The following DDX10 variants were observed in gnomAD, a reference collection of about 807,000 sequenced individuals.
DDX10 encodes DEAD-box helicase 10.
In DDX10, 74 loss-of-function variants were observed where a neutral mutation model predicts 104.3. That is an observed-to-expected ratio of 0.71 (90% CI 0.59 to 0.86). The LOEUF (loss-of-function observed/expected upper bound fraction) is 0.86. Ranked by LOEUF, DDX10 falls within the 40% of genes least tolerant of loss-of-function variation. The probability of loss-of-function intolerance (pLI) is 0.00; values close to 1 mark genes in which losing one functional copy is unlikely to be tolerated. For missense variants in DDX10, 952 were observed against 1,040.0 expected, an observed-to-expected ratio of 0.92 and a Z score of 1.16; for synonymous variants, 351 against 353.4, an observed-to-expected ratio of 0.99 and a Z score of 0.08.
At chr11:108,789,868 A>G (rs1861846818) in intron 13 of DDX10, among the ~76,000 whole-genome samples, 1 of 152,158 alleles carries the variant, frequency 6.6e-6, no homozygotes, top group Non-Finnish European at 1.5e-5. Context: ...TGCTCTGACA[A>G]TCTTAGTTCC....
rs113740953 is a variant in DDX10, at chr11:108,715,993, T to G, written c.1410+27T>G. The G allele has an allele frequency of 1.4e-5, 17 of 1,180,280 alleles. No individual in the cohort carries two copies. The African/African-American group carries it at 2.0e-4, about 14-fold the overall frequency. The allele number at this position is 1,180,280 out of a possible 1,614,324, so 73.1% of individuals were successfully genotyped here. ...TAAGTCATTTTTCAGTTGGATACTT[T>G]CATTGACTGGAAAAACAGTAAAGTT... On this transcript the variant is annotated intron_variant, in intron 11 of 17. Coordinates refer to ENST00000322536, the MANE Select transcript of DDX10 (RefSeq NM_004398.4).
At chr11:108,821,032 C>T (rs747331446) in intron 13 of DDX10, among the ~76,000 whole-genome samples, 14 of 152,100 alleles carry the variant, frequency 9.2e-5, no homozygotes, top group Non-Finnish European at 1.3e-4. Flanking sequence ...TTTGTTTAAG[C>T]GTGATGTATG....
chr11:108,686,155 A>G (rs1281992520), intron 6 of DDX10, among the ~76,000 whole-genome samples: 1 of 152,192 alleles, frequency 6.6e-6, no homozygotes, highest in Non-Finnish European at 1.5e-5. Flanking sequence ...GATTTGCCAC[A>G]TACCTGCTGT....
At chr11:108,792,289 T>C (rs2134549201) in intron 13 of DDX10, among the ~76,000 whole-genome samples, 1 of 152,282 alleles carries the variant, frequency 6.6e-6, no homozygotes, top group African/African-American at 2.4e-5. Context: ...GTTTATCAAG[T>C]TTTCTTTTAC....
rs535863562 is a variant in DDX10 at position 108,846,380 on chromosome 11, A to AAACTTTATACACTAT, written c.2247+4908_2247+4922dup. Reference sequence around the variant, plus strand: ...AGAACTTATTCCTCCTGTCTGATGGAAACTTTATACACTATAACCAACATC... The same window carrying AAACTTTATACACTAT: ...AGAACTTATTCCTCCTGTCTGATGGAAACTTTATACACTATAACTTTATACACTATAACCAACATC... On this transcript the variant is annotated intron_variant, in intron 15 of 17. Transcript: ENST00000322536. 2.3e-3 allele frequency among the ~76,000 whole-genome samples: 357 copies of AAACTTTATACACTAT among 152,282 alleles called. 4 individuals are homozygous for AAACTTTATACACTAT. Among genetic ancestry groups the AAACTTTATACACTAT allele is most frequent in the South Asian group, 0.017 (81 of 4,822 alleles).
Position 108,706,205 on chromosome 11 carries a change from C to T in DDX10, c.1224-534C>T, listed in dbSNP as rs145294246. On this transcript the variant is annotated intron_variant, in intron 9 of 17. Coordinates refer to ENST00000322536, the MANE Select transcript of DDX10 (RefSeq NM_004398.4). ...CACACTGATCTCAAACTCCTGACCT[C>T]GGGTTATTCACCCGCCTCGGCCTCC... Among the ~76,000 whole-genome samples the T allele has an allele frequency of 6.9e-3, 1,049 of 152,196 alleles. 12 individuals are homozygous for T. Among genetic ancestry groups the T allele is most frequent in the African/African-American group, 0.023 (964 of 41,518 alleles).
At chr11:108,751,875 G>C (rs1372443335) in intron 13 of DDX10, among the ~76,000 whole-genome samples, 2 of 152,148 alleles carry the variant, frequency 1.3e-5, no homozygotes, top group Non-Finnish European at 2.9e-5. Flanking sequence ...AGCTGGTAGT[G>C]GGTGTTACTG....
intron 7 of DDX10, among the ~76,000 whole-genome samples, chr11:108,691,506 A>G (rs2094252447): frequency 6.6e-6 from 1 of 152,216 alleles, no homozygotes; most frequent in Admixed American, 6.5e-5. Flanking sequence ...TGGTTTGATC[A>G]GTTCTGTATT....
At chr11:108,939,049 A>G (rs775685519) in intron 17 of DDX10, among the ~76,000 whole-genome samples, 12 of 152,206 alleles carry the variant, frequency 7.9e-5, no homozygotes, top group Admixed American at 3.9e-4. Context: ...TAGAAAGTTA[A>G]CGTGTATTGA....
chr11:108,698,111 A>G (rs1463198608), intron 9 of DDX10, among the ~76,000 whole-genome samples: 1 of 152,224 alleles, frequency 6.6e-6, no homozygotes, highest in Non-Finnish European at 1.5e-5. Flanking sequence ...AGCAGCTTAG[A>G]TCTTAGAAAA....
chr11:108,790,763 GT>G (rs1160887592), intron 13 of DDX10, among the ~76,000 whole-genome samples: 4,142 of 143,308 alleles, frequency 0.029, 177 homozygotes, highest in African/African-American at 0.098. Context: ...CTCTCTTTTT[GT>G]TTTTTTTTTT....
chr11:108,904,449 A>G (rs1056201758), intron 16 of DDX10, among the ~76,000 whole-genome samples: 1 of 152,144 alleles, frequency 6.6e-6, no homozygotes, highest in Non-Finnish European at 1.5e-5. Context: ...TACTGGATTC[A>G]TTCATATGCA....
At chr11:108,666,905 C>T (rs919406233) in intron 1 of DDX10, among the ~76,000 whole-genome samples, 1 of 152,196 alleles carries the variant, frequency 6.6e-6, no homozygotes, top group Non-Finnish European at 1.5e-5. Context: ...TTTTCAGCAC[C>T]ACATCCTAGC....
chr11:108,880,116 C>T lies in DDX10; in HGVS notation c.2304+27907C>T, dbSNP rs984598321. On this transcript the variant is annotated intron_variant, in intron 16 of 17. Transcript: ENST00000322536. ...GGCTTAAATAACACATTTATTTTCT[C>T]AGAGTTTTGTAAGCCAGAAGTCCAA... 3.3e-5 allele frequency among the ~76,000 whole-genome samples: 5 copies of T among 152,176 alleles called. No individual in the cohort carries two copies. In the East Asian group the frequency reaches 5.8e-4, roughly 18 times the overall value.
chr11:108,867,915 T>C (rs952596061), intron 16 of DDX10, among the ~76,000 whole-genome samples: 17 of 152,134 alleles, frequency 1.1e-4, no homozygotes, highest in African/African-American at 3.9e-4. Context: ...TCCTCAGACA[T>C]CAAGGAAATA....
intron 13 of DDX10, among the ~76,000 whole-genome samples, chr11:108,769,868 CTTG>C (rs1357989179): frequency 6.6e-6 from 1 of 152,116 alleles, no homozygotes; most frequent in Non-Finnish European, 1.5e-5. Context: ...TTATTCAATA[CTTG>C]TTAATTTAAA....
chr11:108,841,568 A>G, intron 15 of DDX10, 92 bp downstream of exon 15: 3 of 1,150,308 alleles, frequency 2.6e-6, no homozygotes, highest in Non-Finnish European at 3.6e-6. Flanking sequence ...TAAGTGTATT[A>G]TTTTCTTCAT....
intron 15 of DDX10, among the ~76,000 whole-genome samples, chr11:108,841,897 A>G (rs867699917): frequency 2.4e-4 from 36 of 152,296 alleles, no homozygotes; most frequent in African/African-American, 7.0e-4. Context: ...GCATTATTCT[A>G]TGGAGACAGA....
chr11:108,870,875 C>T (rs1373155201), intron 16 of DDX10, among the ~76,000 whole-genome samples: 2 of 152,150 alleles, frequency 1.3e-5, no homozygotes, highest in East Asian at 1.9e-4. Flanking sequence ...GAGTATTTAT[C>T]GAGTGAAAGA....
Sources: gnomAD v4.1 joint callset for allele counts (sites outside exome capture counted in the v4.1 genomes callset) on GRCh38, gnomAD v4.1.1 for gene constraint, MANE v1.5 for transcripts, NCBI Gene and HGNC (gene_info 2026-07-23, HGNC 2026-07-21) for gene names.